The following RAB27A variants were observed in gnomAD, a reference collection of about 807,000 sequenced individuals.
RAB27A encodes the protein RAB27A, member RAS oncogene family, also known as ras-related protein Rab-27A.
In RAB27A, 17 loss-of-function variants were observed where a neutral mutation model predicts 20.8. That is an observed-to-expected ratio of 0.82 (90% CI 0.56 to 1.23). RAB27A has a LOEUF of 1.23. RAB27A is among the 50% of genes most tolerant of loss of function. The probability of loss-of-function intolerance (pLI) is 0.00; values close to 1 mark genes in which losing one functional copy is unlikely to be tolerated. For missense variants in RAB27A, 277 were observed against 266.7 expected, an observed-to-expected ratio of 1.04 and a Z score of -0.27; for synonymous variants, 85 against 92.8, an observed-to-expected ratio of 0.92 and a Z score of 0.48.
In RAB27A at chr15:55,214,203, A is replaced by G. The variant is rs564806799; in HGVS notation, c.468-8498T>C. The stretch of plus-strand genomic sequence containing the variant: ...TGTAATCCCAGCACTTTGGGAGGCC[A>G]AGGCGGGCGGATCACGAAGTCGGGA... On this transcript the variant is annotated intron_variant, in intron 6 of 6. Transcript: ENST00000336787. Among the ~76,000 whole-genome samples, 138 of 152,268 alleles carry G rather than the reference A, an allele frequency of 9.1e-4. 1 individual carries two copies. The highest frequency in any genetic ancestry group is 2.4e-3 in the African/African-American group (99 of 41,554).
At chr15:55,237,047 A>AT (rs1445794499) in intron 2 of RAB27A, among the ~76,000 whole-genome samples, 1 of 152,152 alleles carries the variant, frequency 6.6e-6, no homozygotes, top group Admixed American at 6.5e-5. Flanking sequence ...ACAACTAGCT[A>AT]TCTCATTAAC....
At chr15:55,276,098 T>A (rs1005621102) in intron 1 of RAB27A, among the ~76,000 whole-genome samples, 8 of 152,088 alleles carry the variant, frequency 5.3e-5, no homozygotes, top group African/African-American at 1.9e-4. Flanking sequence ...GATTTGGCAA[T>A]CCTACTTCTG....
chr15:55,294,867 C>T (rs2054942288), intron 2 of RAB27A, among the ~76,000 whole-genome samples: 1 of 151,932 alleles, frequency 6.6e-6, no homozygotes, highest in African/African-American at 2.4e-5. Flanking sequence ...GTAAATGGTG[C>T]ATAAAAGCAC....
chr15:55,297,732 C>T (rs989744816), intron 2 of RAB27A, among the ~76,000 whole-genome samples: 5 of 152,338 alleles, frequency 3.3e-5, no homozygotes, highest in Admixed American at 2.6e-4. Context: ...CCACAAATTA[C>T]GCAGCCAGCC....
chr15:55,228,151 A>C (rs1241298386), intron 5 of RAB27A, among the ~76,000 whole-genome samples: 3 of 152,234 alleles, frequency 2.0e-5, no homozygotes, highest in African/African-American at 7.2e-5. Context: ...CTCTAAGCAC[A>C]GAAAAGACAT....
chr15:55,311,728 C>T (rs1339764433), intron 2 of RAB27A, among the ~76,000 whole-genome samples: 1 of 152,100 alleles, frequency 6.6e-6, no homozygotes, highest in African/African-American at 2.4e-5. Flanking sequence ...ATATCGTGGC[C>T]AGGTGGTACT....
At chr15:55,302,982 T>TG (rs376983317) in intron 2 of RAB27A, among the ~76,000 whole-genome samples, 3,628 of 122,962 alleles carry the variant, frequency 0.03, 69 homozygotes, top group Non-Finnish European at 0.036. Context: ...AAGAGGGAGG[T>TG]GGGGGGGGGT....
In RAB27A at chr15:55,262,641, G is replaced by GTTT. The variant is rs112757960; in HGVS notation, c.-23+7521_-23+7523dup. ...TTATCTCTTTTTTTTCTTTTTTTTT[G>GTTT]TTTTTTTTTGAGACAAGATCTCACT... On this transcript the variant is annotated intron_variant, in intron 2 of 6. Transcript: ENST00000336787. Among the ~76,000 whole-genome samples the GTTT allele has an allele frequency of 6.9e-3, 992 of 142,888 alleles. 8 individuals carry two copies. The highest frequency in any genetic ancestry group is 0.01 in the Non-Finnish European group (691 of 66,022). The allele number at this position is 142,888 out of a possible 152,430, so 93.7% of individuals were successfully genotyped here.
At chr15:55,237,411 G>A (rs550348336) in intron 2 of RAB27A, 10 of 152,134 alleles carry the variant, frequency 6.6e-5, no homozygotes, top group Non-Finnish European at 1.2e-4. Flanking sequence ...CACGTTTCAG[G>A]TATGGCTAGC....
At chr15:55,252,115 G>A (rs1032584985) in intron 2 of RAB27A, among the ~76,000 whole-genome samples, 26 of 152,108 alleles carry the variant, frequency 1.7e-4, no homozygotes, top group Non-Finnish European at 3.2e-4. Flanking sequence ...TTATGGATCT[G>A]GGAGTCTTGG....
chr15:55,287,134 G>A (rs1338834284), intron 1 of RAB27A, among the ~76,000 whole-genome samples: 1 of 151,900 alleles, frequency 6.6e-6, no homozygotes, highest in Non-Finnish European at 1.5e-5. Flanking sequence ...TGGCCAGCCT[G>A]GTCTTGAACT....
chr15:55,274,516 G>A lies in RAB27A; in HGVS notation c.-142-4232C>T, dbSNP rs979559153. Among the ~76,000 whole-genome samples, 19 of 151,848 alleles carry A rather than the reference G, an allele frequency of 1.3e-4. 1 individual carries two copies. In the Middle Eastern group the frequency reaches 0.017, roughly 136 times the overall value. ...AAACTGGCTGGGTGCGGTGGTTCAT[G>A]CCTGTAATCCCAGCACTTTGGGAGG... On this transcript the variant is annotated intron_variant, in intron 1 of 6. Coordinates refer to ENST00000336787, the MANE Select transcript of RAB27A (RefSeq NM_183235.3).
intron 6 of RAB27A, among the ~76,000 whole-genome samples, chr15:55,216,064 C>G (rs1328765586): frequency 1.3e-5 from 2 of 152,082 alleles, no homozygotes; most frequent in African/African-American, 4.8e-5. Context: ...CTCTGTGCCT[C>G]CGCTGCTTCA....
At chr15:55,304,851 GGTGT>G (rs1405118419) in intron 2 of RAB27A, among the ~76,000 whole-genome samples, 2 of 148,512 alleles carry the variant, frequency 1.3e-5, no homozygotes, top group Non-Finnish European at 3.0e-5. Context: ...ATATATATAT[GGTGT>G]GTGTGTATTT....
At chr15:55,272,324 G>A (rs986087152) in intron 1 of RAB27A, among the ~76,000 whole-genome samples, 1 of 152,104 alleles carries the variant, frequency 6.6e-6, no homozygotes, top group Non-Finnish European at 1.5e-5. Context: ...CCGTGAACCC[G>A]GGAGGCGGAG....
At chr15:55,262,631 C>CT (rs755378962) in intron 2 of RAB27A, among the ~76,000 whole-genome samples, 1,856 of 116,926 alleles carry the variant, frequency 0.016, 38 homozygotes, top group African/African-American at 0.07. Context: ...TCTTTTTTTT[C>CT]TTTTTTTTTG....
intron 2 of RAB27A, among the ~76,000 whole-genome samples, chr15:55,238,964 C>G (rs1052554976): frequency 5.9e-5 from 9 of 152,172 alleles, no homozygotes; most frequent in Non-Finnish European, 1.3e-4. Flanking sequence ...TCCTACAAAA[C>G]TTTCTGACTT....
At chr15:55,219,234 T>G (rs1895453107) in intron 6 of RAB27A, among the ~76,000 whole-genome samples, 1 of 152,312 alleles carries the variant, frequency 6.6e-6, no homozygotes, top group East Asian at 1.9e-4. Flanking sequence ...CCAAGGTCCC[T>G]TCCCAGCCTA....
intron 6 of RAB27A, among the ~76,000 whole-genome samples, chr15:55,208,341 G>A (rs983262847): frequency 6.6e-6 from 1 of 152,154 alleles, no homozygotes; most frequent in Non-Finnish European, 1.5e-5. Flanking sequence ...ACTGCTTTTA[G>A]CTAAAAGTAA....
Sources: allele counts gnomAD v4.1 joint callset (sites outside exome capture counted in the v4.1 genomes callset), GRCh38; gene constraint gnomAD v4.1.1; transcripts MANE v1.5; gene names NCBI Gene and HGNC (gene_info 2026-07-23, HGNC 2026-07-21).